Variants in NFATC3 observed in about 807,000 individuals in gnomAD.
NFATC3 encodes the protein nuclear factor of activated T-cells, cytoplasmic 3.
Under a neutral mutation model 98.6 loss-of-function variants are expected in NFATC3, and 46 were observed. That is an observed-to-expected ratio of 0.47 (90% CI 0.37 to 0.60). NFATC3 has a LOEUF of 0.60. Among genes scored for constraint, NFATC3 ranks in the 20% least tolerant of loss-of-function variants. The pLI, the probability that NFATC3 is intolerant of heterozygous loss-of-function variation, is 0.00. For synonymous variants in NFATC3, 512 were observed against 472.2 expected, an observed-to-expected ratio of 1.08 and a Z score of -1.09; for missense variants, 1,256 against 1,295.5, an observed-to-expected ratio of 0.97 and a Z score of 0.47.
intron 1 of NFATC3, among the ~76,000 whole-genome samples, chr16:68,112,118 T>A (rs1184662076): frequency 3.3e-5 from 5 of 152,062 alleles, no homozygotes; most frequent in Non-Finnish European, 1.5e-5. Flanking sequence ...TCATGGAGTA[T>A]CTTACTGGGT....
chr16:68,207,190 A>G (rs1598596763), intron 9 of NFATC3, among the ~76,000 whole-genome samples: 1 of 151,848 alleles, frequency 6.6e-6, no homozygotes, highest in South Asian at 2.1e-4. Flanking sequence ...GGCGCCTGTA[A>G]TCTCAGCTAC....
intron 1 of NFATC3, among the ~76,000 whole-genome samples, chr16:68,098,304 T>TATTATTATTA (rs1226129009): frequency 2.4e-5 from 3 of 124,864 alleles, no homozygotes; most frequent in African/African-American, 9.2e-5. Flanking sequence ...ATTATTATTT[T>TATTATTATTA]TTTTTTTTTT....
chr16:68,087,896 A>G (rs892426604), intron 1 of NFATC3, among the ~76,000 whole-genome samples: 5 of 152,198 alleles, frequency 3.3e-5, no homozygotes, highest in Admixed American at 6.5e-5. Flanking sequence ...TTGTTCACCA[A>G]TTGATGGACA....
At chr16:68,208,589 G>A (rs1316665178) in intron 9 of NFATC3, among the ~76,000 whole-genome samples, 1 of 152,064 alleles carries the variant, frequency 6.6e-6, no homozygotes, top group East Asian at 1.9e-4. Flanking sequence ...AATTAGCTGG[G>A]TGTGGTGGCA....
intron 5 of NFATC3, among the ~76,000 whole-genome samples, chr16:68,172,753 C>T (rs892679256): frequency 6.6e-6 from 1 of 152,160 alleles, no homozygotes; most frequent in African/African-American, 2.4e-5. Context: ...GCACTTCATC[C>T]TTGGTGACAG....
At chr16:68,127,854 A>G (rs963081569) in intron 3 of NFATC3, among the ~76,000 whole-genome samples, 1 of 151,656 alleles carries the variant, frequency 6.6e-6, no homozygotes, top group Non-Finnish European at 1.5e-5. Context: ...CCCCTTTTCT[A>G]CTCTTTACCT....
rs1032294582 is a variant in NFATC3 at position 68,226,464 on chromosome 16, G to A, written c.3221G>A (p.Gly1074Glu). The change falls in exon 10 of 10, where the codon GGG becomes GAG. Residue 1074 changes from glycine to glutamate, a missense_variant. By Grantham distance (98) the Gly-to-Glu change is moderately conservative. This residue lies in a region of NFATC3 where 636 missense variants were observed against 617.3 expected (regional missense o/e 1.03). Transcript: ENST00000346183. Reference sequence around the variant, plus strand: ...TCCCTGGATTTAGGAAGATCTGATGGGCTCTAACAGTGCTTACTGCAGCCT... The same window carrying A: ...TCCCTGGATTTAGGAAGATCTGATGAGCTCTAACAGTGCTTACTGCAGCCT... ...PESLDLGRSD[G>E]L The A allele has an allele frequency of 2.6e-6, 4 of 1,522,772 alleles. No individual in the cohort carries two copies. The highest frequency in any genetic ancestry group is 2.6e-6 in the Non-Finnish European group (3 of 1,142,286). 94.3% of individuals were successfully genotyped at this position (1,522,772 alleles called of 1,614,324 possible). A position where few individuals can be genotyped will look rare whatever the true frequency, so the allele number is the denominator to read the frequency against.
intron 6 of NFATC3, among the ~76,000 whole-genome samples, chr16:68,178,438 A>G (rs2039812941): frequency 6.6e-6 from 1 of 152,238 alleles, no homozygotes; most frequent in Non-Finnish European, 1.5e-5. Flanking sequence ...TTCATCAATT[A>G]TTTATGTAGC....
At chr16:68,104,248 C>T (rs2035523213) in intron 1 of NFATC3, among the ~76,000 whole-genome samples, 1 of 152,034 alleles carries the variant, frequency 6.6e-6, no homozygotes. Flanking sequence ...TTTTCATGTC[C>T]TTGGTTAAAT....
intron 9 of NFATC3, among the ~76,000 whole-genome samples, chr16:68,216,216 A>G (rs562298459): frequency 6.6e-6 from 1 of 152,172 alleles, no homozygotes; most frequent in Non-Finnish European, 1.5e-5. Flanking sequence ...GGAGTCAACA[A>G]TGGACAAGAT....
intron 9 of NFATC3, among the ~76,000 whole-genome samples, chr16:68,212,790 T>TC (rs2041463403): frequency 3.0e-5 from 4 of 134,778 alleles, no homozygotes; most frequent in Admixed American, 2.9e-4. Context: ...TTTCTCTTTT[T>TC]TTTTTTTTTT....
Position 68,167,810 on chromosome 16 carries a change from C to CTTTTTTTTTTTTTTTTTTTTTTT in NFATC3, c.1774+812_1774+834dup, listed in dbSNP as rs35302776. On this transcript the variant is annotated intron_variant, in intron 5 of 9. Transcript: ENST00000346183. ...TTTATATCTGTTAACCGTATGTGTT[C>CTTTTTTTTTTTTTTTTTTTTTTT]TTTTTTTTTTTTTTTTTTTTTTTTT... 3.3e-4 allele frequency among the ~76,000 whole-genome samples: 8 copies of CTTTTTTTTTTTTTTTTTTTTTTT among 23,920 alleles called. 3 individuals carry two copies. The highest frequency in any genetic ancestry group is 4.3e-4 in the Non-Finnish European group (4 of 9,306). 15.7% of individuals were successfully genotyped at this position (23,920 alleles called of 152,430 possible).
intron 9 of NFATC3, chr16:68,221,162 A>T: frequency 6.2e-7 from 1 of 1,604,478 alleles, no homozygotes; most frequent in Middle Eastern, 1.7e-4. Flanking sequence ...GCTTATCAAG[A>T]TTGCTAATGA....
rs574122974 is a variant in NFATC3, at chr16:68,122,059, C to A, written c.176C>A (p.Pro59Gln). The A allele has an allele frequency of 5.6e-6, 9 of 1,613,770 alleles. No individual in the cohort carries two copies. In the South Asian group the frequency reaches 9.9e-5, roughly 18 times the overall value. The part of the protein sequence containing the change: ...VDPPPSTLTT[P>Q]LCLPHHGLPS... ...CCACCTCCATCTACTTTAACCACACCACTTTGCTTACCACATCATGGATTA... is the reference window on the plus strand; with the variant it reads ...CCACCTCCATCTACTTTAACCACACAACTTTGCTTACCACATCATGGATTA... Residue 59 changes from proline to glutamine, a missense_variant, in exon 2 of 10, where the codon CCA becomes CAA. Physicochemically the swap from Pro to Gln is moderately conservative, Grantham distance 76. Coordinates refer to ENST00000346183, the MANE Select transcript of NFATC3 (RefSeq NM_173165.3).
At chr16:68,100,887 CTGTGTGTGTGTGTGTGTGGGG>C (rs1486645948) in intron 1 of NFATC3, among the ~76,000 whole-genome samples, 5 of 146,388 alleles carry the variant, frequency 3.4e-5, no homozygotes, top group African/African-American at 7.7e-5. Flanking sequence ...TTTGAGAGTT[CTGTGTGTGTGTGTGTGTGGGG>C]TGTGTGTGTG....
intron 9 of NFATC3, among the ~76,000 whole-genome samples, chr16:68,208,575 C>G (rs1441104128): frequency 6.6e-6 from 1 of 152,030 alleles, no homozygotes; most frequent in Non-Finnish European, 1.5e-5. Context: ...ACTAAAAATA[C>G]AAAAATTAGC....
At chr16:68,161,227 A>G (rs1447920823) in intron 4 of NFATC3, among the ~76,000 whole-genome samples, 1 of 152,222 alleles carries the variant, frequency 6.6e-6, no homozygotes, top group South Asian at 2.1e-4. Flanking sequence ...GTGATTAGTC[A>G]GCTGTAGAGG....
chr16:68,115,965 G>A (rs1331507413), intron 1 of NFATC3, among the ~76,000 whole-genome samples: 2 of 151,992 alleles, frequency 1.3e-5, no homozygotes, highest in Non-Finnish European at 2.9e-5. Context: ...CAGTATATAC[G>A]TATGCATTGC....
intron 9 of NFATC3, among the ~76,000 whole-genome samples, chr16:68,198,976 A>G (rs1371942812): frequency 6.6e-6 from 1 of 152,028 alleles, no homozygotes; most frequent in African/African-American, 2.4e-5. Flanking sequence ...TGAACCCAGG[A>G]GGCGGGGATT....
Sources: allele counts gnomAD v4.1 joint callset (sites outside exome capture counted in the v4.1 genomes callset), GRCh38; gene constraint gnomAD v4.1.1; regional missense constraint gnomAD v4.1.1; transcripts MANE v1.5; gene names NCBI Gene and HGNC (gene_info 2026-07-23, HGNC 2026-07-21).